The following LIPA variants were observed in gnomAD, a reference collection of about 807,000 sequenced individuals.
LIPA encodes the protein lysosomal acid lipase/cholesteryl ester hydrolase.
A neutral mutation model predicts 40.6 loss-of-function variants in LIPA; 26 were observed. The ratio of observed to expected loss-of-function variants is 0.64; its 90% CI spans 0.47 to 0.89. The LOEUF (loss-of-function observed/expected upper bound fraction) is 0.89, where lower values mean the gene tolerates loss of function less well. Among genes scored for constraint, LIPA ranks in the 40% least tolerant of loss-of-function variants. The pLI is 0.00. For synonymous variants in LIPA, 188 were observed against 168.4 expected (o/e 1.12, Z -0.90); for missense variants, 455 against 479.6 (o/e 0.95, Z 0.48).
Position 89,370,229 on chromosome 10 carries a change from G to GT in LIPA, c.61+42561dup, listed in dbSNP as rs536423128. On this transcript the variant is annotated intron_variant, in intron 2 of 8. Transcript: ENST00000371837. ...AATGTTTTCTTTTTTTGTTTGTTTT[G>GT]TTTTTTTTTTTCTGAGACAGGATCT... is the stretch of plus-strand genomic sequence containing the variant. 4.6e-3 allele frequency among the ~76,000 whole-genome samples: 673 copies of GT among 146,384 alleles called. 4 individuals are homozygous for GT. Among genetic ancestry groups the GT allele is most frequent in the African/African-American group, 7.4e-3 (297 of 40,254 alleles).
intron 2 of LIPA, among the ~76,000 whole-genome samples, chr10:89,350,928 A>G (rs1331265314): frequency 1.3e-5 from 2 of 152,172 alleles, no homozygotes; most frequent in African/African-American, 4.8e-5. Context: ...GTTTTCTTAC[A>G]TACAACTGAG....
intron 1 of LIPA, among the ~76,000 whole-genome samples, chr10:89,272,518 C>G (rs746949225): frequency 4.6e-5 from 7 of 152,152 alleles, no homozygotes; most frequent in African/African-American, 7.2e-5. Flanking sequence ...TAGGTTGATT[C>G]CATGTCTTTT....
At chr10:89,376,114 G>A (rs1195355328) in intron 2 of LIPA, among the ~76,000 whole-genome samples, 1 of 151,370 alleles carries the variant, frequency 6.6e-6, no homozygotes, top group Non-Finnish European at 1.5e-5. Context: ...CTTGAACCTG[G>A]GAGGCAGAGG....
chr10:89,355,570 G>A (rs1032267745), intron 2 of LIPA, among the ~76,000 whole-genome samples: 10 of 152,216 alleles, frequency 6.6e-5, no homozygotes, highest in Admixed American at 3.3e-4. Flanking sequence ...AATAGGGGCT[G>A]GGTGAAATAA....
chr10:89,214,921 A>C lies in LIPA; in HGVS notation c.1107T>G (p.Ile369Met). The C allele has an allele frequency of 1.2e-6, 2 of 1,614,122 alleles. No individual in the cohort carries two copies. The highest frequency in any genetic ancestry group is 1.1e-5 in the South Asian group (1 of 91,088). The change falls in exon 10 of 10, where the codon ATT becomes ATG. Residue 369 changes from isoleucine to methionine, a missense_variant. Ile to Met is a conservative substitution (Grantham distance 10, BLOSUM62 1). Coordinates refer to ENST00000336233, the MANE Select transcript of LIPA (RefSeq NM_000235.4). ...QITNLVFHESIPEWEHLDFIW... is the reference protein window; with the variant it reads ...QITNLVFHESMPEWEHLDFIW... ...TGAAGTCAAGATGCTCCCATTCCGGAATGCTCTCATGGAACACCAAGTTGG... is the reference window on the plus strand; with the variant it reads ...TGAAGTCAAGATGCTCCCATTCCGGCATGCTCTCATGGAACACCAAGTTGG...
chr10:89,358,399 G>C (rs1172958300), intron 2 of LIPA, among the ~76,000 whole-genome samples: 1 of 152,138 alleles, frequency 6.6e-6, no homozygotes, highest in Non-Finnish European at 1.5e-5. Context: ...AACTGAAAAT[G>C]GATTTATTAT....
chr10:89,350,912 A>T (rs1337889273), intron 2 of LIPA, among the ~76,000 whole-genome samples: 1 of 151,536 alleles, frequency 6.6e-6, no homozygotes, highest in Non-Finnish European at 1.5e-5. Flanking sequence ...TCTCAGGGGG[A>T]GTTGGGTTTT....
chr10:89,317,191 G>A (rs1843545784), intron 1 of LIPA, among the ~76,000 whole-genome samples: 1 of 152,238 alleles, frequency 6.6e-6, no homozygotes, highest in African/African-American at 2.4e-5. Flanking sequence ...TGCCAGCAAT[G>A]GAACAAAGCT....
At chr10:89,387,006 A>T (rs1844215188) in intron 2 of LIPA, among the ~76,000 whole-genome samples, 2 of 151,210 alleles carry the variant, frequency 1.3e-5, no homozygotes, top group Admixed American at 1.3e-4. Context: ...TGTTTGGATA[A>T]GCACCAAGTA....
At chr10:89,408,999 C>G (rs1283327638) in intron 2 of LIPA, among the ~76,000 whole-genome samples, 3 of 152,154 alleles carry the variant, frequency 2.0e-5, no homozygotes, top group African/African-American at 4.8e-5. Context: ...AAAAAGCCCA[C>G]GAATTATTCA....
At chr10:89,368,645 G>T (rs1295650168) in intron 2 of LIPA, among the ~76,000 whole-genome samples, 2 of 152,110 alleles carry the variant, frequency 1.3e-5, no homozygotes, top group Non-Finnish European at 2.9e-5. Flanking sequence ...ATGTATGTAA[G>T]ATATAAACAT....
intron 1 of LIPA, chr10:89,305,982 T>G (rs1481379683): frequency 1.6e-5 from 26 of 1,612,578 alleles, no homozygotes; most frequent in Non-Finnish European, 2.2e-5. Context: ...AAGAATTCCT[T>G]GGAGAGCAGC....
At chr10:89,290,160 CTCTCTAAT>C (rs1402587792) in intron 1 of LIPA, among the ~76,000 whole-genome samples, 1 of 152,160 alleles carries the variant, frequency 6.6e-6, no homozygotes, top group Non-Finnish European at 1.5e-5. Context: ...CCCTTGGACA[CTCTCTAAT>C]TAGATGTCCT....
chr10:89,388,710 A>G (rs1244225504), intron 2 of LIPA, among the ~76,000 whole-genome samples: 1 of 151,838 alleles, frequency 6.6e-6, no homozygotes, highest in Admixed American at 6.6e-5. Context: ...AGATGTCACT[A>G]TTTGGGGAAT....
chr10:89,250,581 A>T (rs942549120), intron 1 of LIPA, among the ~76,000 whole-genome samples: 1 of 152,218 alleles, frequency 6.6e-6, no homozygotes, highest in Non-Finnish European at 1.5e-5. Flanking sequence ...ATAAGGAGTA[A>T]ATTGAAAGGG....
chr10:89,239,386 G>A (rs535931256), intron 3 of LIPA, among the ~76,000 whole-genome samples: 11 of 152,320 alleles, frequency 7.2e-5, no homozygotes, highest in Admixed American at 1.3e-4. Context: ...TAAAACAGGA[G>A]GTAATAGGAG....
intron 3 of LIPA, among the ~76,000 whole-genome samples, chr10:89,237,222 G>T (rs1564760497): frequency 6.6e-6 from 1 of 152,202 alleles, no homozygotes; most frequent in Non-Finnish European, 1.5e-5. Flanking sequence ...TGAGGTTACA[G>T]TGAGCTATAA....
At chr10:89,410,758 C>T (rs912950655) in intron 2 of LIPA, among the ~76,000 whole-genome samples, 4 of 152,226 alleles carry the variant, frequency 2.6e-5, no homozygotes, top group Admixed American at 6.5e-5. Context: ...AGGGAAACCA[C>T]GGAGTTATTG....
chr10:89,298,753 A>T (rs1843429350), intron 1 of LIPA, among the ~76,000 whole-genome samples: 1 of 152,214 alleles, frequency 6.6e-6, no homozygotes, highest in Admixed American at 6.5e-5. Context: ...AGGGAGGACA[A>T]GGAGGGTGGA....
Sources: gnomAD v4.1 joint callset for allele counts (sites outside exome capture counted in the v4.1 genomes callset) on GRCh38, gnomAD v4.1.1 for gene constraint, MANE v1.5 for transcripts, NCBI Gene and HGNC (gene_info 2026-07-23, HGNC 2026-07-21) for gene names.